The following DLG2 variants were observed in gnomAD, a reference collection of about 807,000 sequenced individuals.
The protein encoded by DLG2 is discs large MAGUK scaffold protein 2.
Under a neutral mutation model 132.5 loss-of-function variants are expected in DLG2, and 45 were observed. That is an observed-to-expected ratio of 0.34 (90% confidence interval 0.27 to 0.44). The LOEUF (loss-of-function observed/expected upper bound fraction) is 0.44, where lower values mean the gene tolerates loss of function less well. Ranked by LOEUF, DLG2 falls within the 20% of genes least tolerant of loss-of-function variation. The pLI is 1.00. For synonymous variants in DLG2, 424 were observed against 419.6 expected (o/e 1.01, Z -0.13); for missense variants, 1,045 against 1,196.9 (o/e 0.87, Z 1.87).
chr11:84,492,701 A>C (rs2099168517), intron 7 of DLG2, among the ~76,000 whole-genome samples: 1 of 152,112 alleles, frequency 6.6e-6, no homozygotes, highest in Non-Finnish European at 1.5e-5. Flanking sequence ...TGTCATCCTC[A>C]TCATCATCCT....
intron 6 of DLG2, among the ~76,000 whole-genome samples, chr11:84,686,521 T>G (rs2099738278): frequency 6.6e-6 from 1 of 152,012 alleles, no homozygotes; most frequent in African/African-American, 2.4e-5. Flanking sequence ...CATGGTTCTC[T>G]CCAATCCCTA....
intron 7 of DLG2, among the ~76,000 whole-genome samples, chr11:84,496,264 G>A (rs144008506): frequency 2.0e-3 from 300 of 152,238 alleles, no homozygotes; most frequent in African/African-American, 6.6e-3. Flanking sequence ...TTTGAATGAG[G>A]TTCAGAACTC....
intron 7 of DLG2, among the ~76,000 whole-genome samples, chr11:84,501,976 C>A (rs1469093078): frequency 6.6e-6 from 1 of 152,098 alleles, no homozygotes; most frequent in Non-Finnish European, 1.5e-5. Flanking sequence ...CTGTACACCC[C>A]ACTTTGCAGT....
intron 17 of DLG2, chr11:83,815,070 G>A (rs2048457740): frequency 6.5e-6 from 1 of 153,638 alleles, no homozygotes; most frequent in South Asian, 2.1e-4. Context: ...GGACTATATT[G>A]AGTAATATTA....
chr11:83,616,827 T>C (rs1345156856), intron 19 of DLG2, among the ~76,000 whole-genome samples: 2 of 152,174 alleles, frequency 1.3e-5, no homozygotes, highest in Non-Finnish European at 2.9e-5. Flanking sequence ...TTGTGTATAG[T>C]GTGAGGTTGG....
intron 10 of DLG2, among the ~76,000 whole-genome samples, chr11:84,076,818 C>T (rs1001327604): frequency 6.6e-6 from 1 of 152,210 alleles, no homozygotes; most frequent in Non-Finnish European, 1.5e-5. Context: ...TCCTTTCCTG[C>T]ATCACTTCCA....
At chr11:84,922,988 G>A (rs569262271) in intron 6 of DLG2, 7 of 1,538,500 alleles carry the variant, frequency 4.5e-6, no homozygotes, top group South Asian at 4.5e-5. Flanking sequence ...CCAGCAATCC[G>A]AAAAGTCCTG....
chr11:84,980,602 T>C (rs538754660), intron 6 of DLG2, among the ~76,000 whole-genome samples: 12 of 152,298 alleles, frequency 7.9e-5, no homozygotes, highest in South Asian at 4.1e-4. Flanking sequence ...ACAGGGTTCT[T>C]GATACCTTTC....
At chr11:84,756,572 C>T (rs1425806787) in intron 6 of DLG2, among the ~76,000 whole-genome samples, 3 of 152,094 alleles carry the variant, frequency 2.0e-5, no homozygotes, top group African/African-American at 7.2e-5. Flanking sequence ...ATTCCACTTA[C>T]CTTAGAAGGT....
At chr11:84,816,767 G>A (rs1009041346) in intron 6 of DLG2, among the ~76,000 whole-genome samples, 61 of 151,992 alleles carry the variant, frequency 4.0e-4, no homozygotes, top group African/African-American at 1.4e-3. Context: ...AACCATTACA[G>A]TCAAATTGCC....
intron 20 of DLG2, among the ~76,000 whole-genome samples, chr11:83,533,850 T>G (rs1475664031): frequency 6.6e-6 from 1 of 152,048 alleles, no homozygotes; most frequent in Non-Finnish European, 1.5e-5. Context: ...TATGAAGCAG[T>G]GAAGTGATAA....
Position 83,781,054 on chromosome 11 carries a change from G to A in DLG2, c.1825+5636C>T, listed in dbSNP as rs2094799827. 1.3e-5 allele frequency among the ~76,000 whole-genome samples: 2 copies of A among 152,166 alleles called. 1 individual carries two copies. The highest frequency in any genetic ancestry group is 1.3e-4 in the Admixed American group (2 of 15,268). ...ACCTGAGATCTTACAATTCTAAGAA[G>A]GCTCTCATTTAATATCTATGCTTTT... On this transcript the variant is annotated intron_variant, in intron 18 of 27. Transcript: ENST00000376104.
At chr11:84,527,584 C>T (rs776386175) in intron 7 of DLG2, among the ~76,000 whole-genome samples, 2 of 152,210 alleles carry the variant, frequency 1.3e-5, no homozygotes, top group Non-Finnish European at 1.5e-5. Context: ...TGTGAAAATT[C>T]GAAGACACAC....
chr11:84,252,588 T>C (rs1416757123), intron 7 of DLG2, among the ~76,000 whole-genome samples: 1 of 152,174 alleles, frequency 6.6e-6, no homozygotes, highest in Non-Finnish European at 1.5e-5. Context: ...CTTTAAAGTT[T>C]AGCGGGAATC....
At chr11:84,384,536 T>A (rs2098761165) in intron 7 of DLG2, among the ~76,000 whole-genome samples, 1 of 152,100 alleles carries the variant, frequency 6.6e-6, no homozygotes, top group African/African-American at 2.4e-5. Flanking sequence ...GGAATTCAAA[T>A]ACTGAACTGC....
At chr11:84,813,318 T>A (rs1230344194) in intron 6 of DLG2, among the ~76,000 whole-genome samples, 1 of 151,902 alleles carries the variant, frequency 6.6e-6, no homozygotes, top group African/African-American at 2.4e-5. Context: ...GCCTTCTAGA[T>A]CCATTATAAT....
At chr11:84,534,498 C>A in intron 7 of DLG2, 72 bp downstream of exon 7, 1 of 1,481,356 alleles carries the variant, frequency 6.8e-7, no homozygotes, top group Non-Finnish European at 9.4e-7. Context: ...ATCGGGCCAG[C>A]AAACATCTCC....
In DLG2 at chr11:84,674,233, T is replaced by C. The variant is rs1057213981; in HGVS notation, c.358-139502A>G. Reference sequence around the variant, plus strand: ...AACAGTAAATTCTACTAAGAAAATATGTGTGACTCCAGGTTGATGTTTAAT... The same window carrying C: ...AACAGTAAATTCTACTAAGAAAATACGTGTGACTCCAGGTTGATGTTTAAT... On this transcript the variant is annotated intron_variant, in intron 6 of 27. Transcript: ENST00000376104. Among the ~76,000 whole-genome samples, 5 of 152,244 alleles carry C rather than the reference T, an allele frequency of 3.3e-5. No homozygotes were observed. In the East Asian group the frequency reaches 7.7e-4, roughly 24 times the overall value.
chr11:84,745,497 G>A (rs531322419), intron 6 of DLG2, among the ~76,000 whole-genome samples: 5 of 152,254 alleles, frequency 3.3e-5, no homozygotes, highest in African/African-American at 1.2e-4. Flanking sequence ...TTCCTGTACA[G>A]CCTGCAGAAC....
Sources: gnomAD v4.1 joint callset for allele counts (sites outside exome capture counted in the v4.1 genomes callset) on GRCh38, gnomAD v4.1.1 for gene constraint, MANE v1.5 for transcripts, NCBI Gene and HGNC (gene_info 2026-07-23, HGNC 2026-07-21) for gene names.